The following AMOTL2 variants were observed in gnomAD, a reference collection of about 807,000 sequenced individuals.
AMOTL2 encodes angiomotin like 2, also known as angiomotin-like protein 2.
A neutral mutation model predicts 78.4 loss-of-function variants in AMOTL2; 33 were observed. That is an observed-to-expected ratio of 0.42 (90% CI 0.32 to 0.56). AMOTL2 has a LOEUF of 0.56. AMOTL2 is among the 20% of genes least tolerant of loss of function. AMOTL2 has a pLI of 0.12. For missense variants in AMOTL2, 983 were observed against 1,030.1 expected, an observed-to-expected ratio of 0.95 and a Z score of 0.63; for synonymous variants, 422 against 428.8, an observed-to-expected ratio of 0.98 and a Z score of 0.20.
intron 5 of AMOTL2, 39 bp from the exon 6 acceptor site, chr3:134,361,846 C>G (rs939475608): frequency 4.7e-6 from 7 of 1,483,426 alleles, no homozygotes; most frequent in Non-Finnish European, 5.4e-6. Flanking sequence ...ACAGTGACCA[C>G]GTTGGCTGGC....
In AMOTL2 at chr3:134,371,161, G is replaced by C; in HGVS notation, c.273C>G (p.Leu91=). The C allele has an allele frequency of 2.5e-6, 4 of 1,613,994 alleles. No individual in the cohort carries two copies. Among genetic ancestry groups the C allele is most frequent in the Non-Finnish European group, 3.4e-6 (4 of 1,179,978 alleles). Residue 91 remains leucine, a synonymous_variant, in exon 2 of 10, where the codon CTC becomes CTG. Transcript: ENST00000249883. ...GGENHLAENT[L]YRLCPQPSKG... ...TGCTGGGCTGTGGGCATAGCCGGTAGAGGGTGTTCTCTGCCAGGTGGTTCT... is the reference window on the plus strand; with the variant it reads ...TGCTGGGCTGTGGGCATAGCCGGTACAGGGTGTTCTCTGCCAGGTGGTTCT...
Position 134,365,850 on chromosome 3 carries a change from T to C in AMOTL2, c.1246A>G (p.Ser416Gly). Residue 416 changes from serine to glycine, a missense_variant, in exon 5 of 10, where the codon AGT becomes GGT. Ser to Gly is a moderately conservative substitution (Grantham distance 56). Coordinates refer to ENST00000249883, the MANE Select transcript of AMOTL2 (RefSeq NM_016201.4). ...ASKTQEAQAG[S>G]QDMVAKLLAQ... is the part of the protein sequence containing the mutation. ...AGCAGCTTGGCCACCATGTCCTGAC[T>C]GCCGGCCTGGGCCTCCTGTGTCTTG... The C allele has an allele frequency of 6.2e-7, 1 of 1,614,232 alleles. No homozygotes were observed. The highest frequency in any genetic ancestry group is 8.5e-7 in the Non-Finnish European group (1 of 1,180,044).
chr3:134,357,653 A>T lies in AMOTL2; in HGVS notation c.*52T>A. On this transcript the variant is annotated 3_prime_UTR_variant, in exon 10 of 10. Transcript: ENST00000249883. ...GGCTGCTGAAATGGCTGAGAGTGGC[A>T]CAGGGCAGAGGAGGGGAGAGAATGG... 1.9e-6 allele frequency: 3 copies of T among 1,582,774 alleles called. No individual in the cohort carries two copies. Among genetic ancestry groups the T allele is most frequent in the Non-Finnish European group, 2.6e-6 (3 of 1,151,716 alleles).
At chr3:134,359,593 C>G (rs528854353) in intron 7 of AMOTL2, 90 bp from the exon 8 acceptor site, 38 of 1,084,864 alleles carry the variant, frequency 3.5e-5, no homozygotes, top group African/African-American at 9.4e-5. Context: ...GAGGAAAAGC[C>G]CCCCCCAACT....
chr3:134,370,086 C>T (rs2017784307), intron 2 of AMOTL2, among the ~76,000 whole-genome samples: 1 of 152,208 alleles, frequency 6.6e-6, no homozygotes, highest in African/African-American at 2.4e-5. Context: ...CTCTCCTGAG[C>T]CTCACCAGAA....
At chr3:134,366,057 TG>T in intron 4 of AMOTL2, 148 bp from the exon 5 acceptor site, 1 of 1,056,748 alleles carries the variant, frequency 9.5e-7, no homozygotes, top group Non-Finnish European at 1.4e-6. Context: ...GCCCCATGGG[TG>T]GGAGCCTCCT....
chr3:134,365,769 C>T (rs375102983), intron 5 of AMOTL2, 48 bp downstream of exon 5: 61 of 1,528,058 alleles, frequency 4.0e-5, no homozygotes, highest in African/African-American at 5.5e-5. Context: ...GTGCAGCAGT[C>T]CCATTGCCTG....
At chr3:134,373,969 C>T in intron 1 of AMOTL2, 3 of 435,636 alleles carry the variant, frequency 6.9e-6, no homozygotes, top group Non-Finnish European at 9.2e-6. Context: ...CCAAATCAGC[C>T]CGCAGGACCC....
At chr3:134,375,263 G>T, upstream of AMOTL2, 1 of 1,534,408 alleles carries the variant, frequency 6.5e-7, no homozygotes, top group South Asian at 1.2e-5. Flanking sequence ...TTTACGCAGA[G>T]TGCAAGGTGT....
intron 1 of AMOTL2, chr3:134,373,949 C>G (rs1193781882): frequency 1.8e-6 from 1 of 558,016 alleles, no homozygotes; most frequent in East Asian, 1.5e-4. Flanking sequence ...CACCTGTAAC[C>G]CCCACCTAAC....
At position 134,357,668 on chromosome 3, in the gene AMOTL2, G is replaced by A. The variant is rs781668635; in HGVS notation, c.*37C>T. 8.1e-6 allele frequency: 13 copies of A among 1,608,268 alleles called. No individual in the cohort carries two copies. The highest frequency in any genetic ancestry group is 2.2e-5 in the East Asian group (1 of 44,866). The stretch of plus-strand genomic sequence containing the variant: ...TGAGAGTGGCACAGGGCAGAGGAGG[G>A]GAGAGAATGGCTCAGAGTCCTGAAG... On this transcript the variant is annotated 3_prime_UTR_variant, in exon 10 of 10. Coordinates refer to ENST00000249883, the MANE Select transcript of AMOTL2 (RefSeq NM_016201.4).
upstream of AMOTL2, chr3:134,374,748 G>A: frequency 2.0e-6 from 2 of 990,516 alleles, no homozygotes; most frequent in Non-Finnish European, 2.4e-6. Flanking sequence ...TGCCTTCGGA[G>A]CTGCTGGAGA....
chr3:134,372,892 C>G (rs1259168361), intron 1 of AMOTL2, among the ~76,000 whole-genome samples: 2 of 120,100 alleles, frequency 1.7e-5, no homozygotes, highest in African/African-American at 3.2e-5. Context: ...CCAGGGAAAA[C>G]TAAACAGAAT....
At chr3:134,369,544 G>A (rs1221623687) in intron 2 of AMOTL2, among the ~76,000 whole-genome samples, 1 of 152,232 alleles carries the variant, frequency 6.6e-6, no homozygotes, top group Non-Finnish European at 1.5e-5. Context: ...GCCCTGAGAG[G>A]GGCGATAAAG....
In AMOTL2 at chr3:134,371,467, TG is replaced by T; in HGVS notation, c.-35del. ...GGCTTGCACACAGCTGCCTGGACAA[TG>T]GCCGGTGGCACCTGGCCCCAGAGCA... On this transcript the variant is annotated 5_prime_UTR_variant, in exon 2 of 10. Coordinates refer to ENST00000249883, the MANE Select transcript of AMOTL2 (RefSeq NM_016201.4). The T allele has an allele frequency of 6.3e-7, 1 of 1,591,262 alleles. No individual in the cohort carries two copies. Among genetic ancestry groups the T allele is most frequent in the East Asian group, 2.2e-5 (1 of 44,596 alleles).
intron 2 of AMOTL2, 102 bp from the exon 3 acceptor site, chr3:134,367,905 G>A (rs1028624435): frequency 2.0e-5 from 18 of 886,624 alleles, no homozygotes; most frequent in East Asian, 8.5e-5. Context: ...TGGGAAGATG[G>A]TTAATTATTA....
Position 134,361,876 on chromosome 3 carries a change from A to G in AMOTL2, c.1280-69T>C, listed in dbSNP as rs531034928. The G allele has an allele frequency of 4.6e-5, 62 of 1,350,212 alleles. No individual in the cohort carries two copies. In the Admixed American group the frequency reaches 4.7e-4, roughly 10 times the overall value. 83.6% of individuals were successfully genotyped at this position (1,350,212 alleles called of 1,614,324 possible). On this transcript the variant is annotated intron_variant, in intron 5 of 9. Coordinates refer to ENST00000249883, the MANE Select transcript of AMOTL2 (RefSeq NM_016201.4). ...GCTGGCCCCATTGCCTCCTGGGCTC[A>G]GTGCTGACCACTGGATGAGCACAGT...
In AMOTL2 at chr3:134,371,238, G is replaced by A; in HGVS notation, c.196C>T (p.Leu66=). The A allele has an allele frequency of 6.2e-7, 1 of 1,613,272 alleles. No homozygotes were observed. The highest frequency in any genetic ancestry group is 1.1e-5 in the South Asian group (1 of 91,064). ...EILAPEDSQV[L]QQATRQEPQG... is the part of the protein sequence containing the mutation. Reference sequence around the variant, plus strand: ...GGCTCCTGCCTGGTGGCCTGCTGCAGCACCTGACTGTCCTCTGGGGCCAGG... The same window carrying A: ...GGCTCCTGCCTGGTGGCCTGCTGCAACACCTGACTGTCCTCTGGGGCCAGG... The change falls in exon 2 of 10, where the codon CTG becomes TTG. Residue 66 remains leucine (L), a synonymous_variant. Transcript: ENST00000249883.
chr3:134,369,022 A>G (rs1576585651), intron 2 of AMOTL2, among the ~76,000 whole-genome samples: 1 of 152,104 alleles, frequency 6.6e-6, no homozygotes, highest in African/African-American at 2.4e-5. Flanking sequence ...ACTAATGCAC[A>G]CCCAGCCTGC....
Sources: allele counts gnomAD v4.1 joint callset (sites outside exome capture counted in the v4.1 genomes callset), GRCh38; gene constraint gnomAD v4.1.1; transcripts MANE v1.5; gene names NCBI Gene and HGNC (gene_info 2026-07-23, HGNC 2026-07-21).